Variants in ABHD1 observed in about 807,000 individuals in gnomAD.
The protein encoded by ABHD1 is protein ABHD1.
Under a neutral mutation model 41.4 loss-of-function variants are expected in ABHD1, and 47 were observed. That is an observed-to-expected ratio of 1.13 (90% CI 0.90 to 1.45). The LOEUF is 1.45. Ranked by LOEUF, ABHD1 falls within the 40% of genes most tolerant of loss-of-function variation. The pLI is 0.00. For synonymous variants in ABHD1, 205 were observed against 203.7 expected, an observed-to-expected ratio of 1.01 and a Z score of -0.05; for missense variants, 550 against 503.4, an observed-to-expected ratio of 1.09 and a Z score of -0.89.
At chr2:27,124,266 C>T (rs1049068270) in intron 1 of ABHD1, 17 of 673,996 alleles carry the variant, frequency 2.5e-5, no homozygotes, top group African/African-American at 1.1e-4. Context: ...TTTTGGGTAC[C>T]GGAGGGTGCT....
intron 1 of ABHD1, chr2:27,125,729 T>C (rs1671931710): frequency 6.6e-6 from 1 of 151,856 alleles, no homozygotes; most frequent in Admixed American, 6.6e-5. Flanking sequence ...GTGAAACCCC[T>C]ATCTCTACTA....
At chr2:27,129,703 A>G (rs748450927) in intron 5 of ABHD1, 51 bp from the exon 6 acceptor site, 22 of 1,610,746 alleles carry the variant, frequency 1.4e-5, no homozygotes, top group Non-Finnish European at 1.8e-5. Flanking sequence ...CTCTGTCCCA[A>G]CCCACATTAA....
chr2:27,124,133 C>T (rs775873241), intron 1 of ABHD1, 71 bp downstream of exon 1: 4 of 1,415,302 alleles, frequency 2.8e-6, no homozygotes, highest in Non-Finnish European at 4.0e-6. Flanking sequence ...CGGGCTTGGG[C>T]CCTTGGTGGG....
At chr2:27,125,319 T>C (rs532952656) in intron 1 of ABHD1, 1 of 152,318 alleles carries the variant, frequency 6.6e-6, no homozygotes, top group East Asian at 1.9e-4. Context: ...TGCTGCTTTA[T>C]AGACTAAACC....
intron 1 of ABHD1, chr2:27,125,339 C>G (rs1411044785): frequency 6.6e-6 from 1 of 152,088 alleles, no homozygotes; most frequent in Non-Finnish European, 1.5e-5. Flanking sequence ...CCTTTATAAG[C>G]TAACGAATAC....
rs1437121180 is a variant in ABHD1, at chr2:27,129,598, C to T, written c.589C>T (p.Leu197=). 4 of 1,613,694 alleles carry T rather than the reference C, an allele frequency of 2.5e-6. No homozygotes were observed. Among genetic ancestry groups the T allele is most frequent in the Non-Finnish European group, 2.5e-6 (3 of 1,180,050 alleles). The part of the protein sequence containing the change: ...HIKHRYPQAP[L]LAVGISFGGI... ...AAAGCATCGTTATCCCCAAGCTCCACTGCTGGCCGTGGGCATCTCTTTTGG... is the reference window on the plus strand; with the variant it reads ...AAAGCATCGTTATCCCCAAGCTCCATTGCTGGCCGTGGGCATCTCTTTTGG... Residue 197 remains leucine, a synonymous_variant, in exon 5 of 9, where the codon CTG becomes TTG. Transcript: ENST00000316470.
intron 1 of ABHD1, chr2:27,125,499 C>G (rs1316414449): frequency 6.6e-6 from 1 of 152,158 alleles, no homozygotes; most frequent in Non-Finnish European, 1.5e-5. Flanking sequence ...AGTCAAGAAA[C>G]ATTTTCTTGA....
chr2:27,130,187 A>G (rs1167999817), intron 7 of ABHD1, 34 bp downstream of exon 7: 8 of 1,614,166 alleles, frequency 5.0e-6, no homozygotes, highest in Non-Finnish European at 6.8e-6. Context: ...GGTTCCCCCA[A>G]ATGAGTCTTC....
intron 6 of ABHD1, 34 bp downstream of exon 6, chr2:27,129,961 C>A (rs1314022074): frequency 6.2e-7 from 1 of 1,613,166 alleles, no homozygotes; most frequent in Admixed American, 1.7e-5. Flanking sequence ...AGGCAGTAGA[C>A]AGAGTAGGAT....
chr2:27,125,235 C>G (rs1671911918), intron 1 of ABHD1: 1 of 152,154 alleles, frequency 6.6e-6, no homozygotes, highest in Non-Finnish European at 1.5e-5. Context: ...TTTGGAAGGT[C>G]ACTTCAGAAC....
Position 27,128,551 on chromosome 2 carries a change from A to G in ABHD1, c.225A>G (p.Gln75=). 6.2e-7 allele frequency: 1 copy of G among 1,614,094 alleles called. No individual in the cohort carries two copies. The highest frequency in any genetic ancestry group is 8.5e-7 in the Non-Finnish European group (1 of 1,180,014). Residue 75 remains glutamine (Q), a synonymous_variant, in exon 2 of 9, where the codon CAA becomes CAG. Transcript: ENST00000316470. The part of the protein sequence containing the change: ...PTLWCFEGRL[Q]SIFQVLLQSQ... ...TGTGGTGTTTTGAGGGGCGACTACAAAGCATCTTCCAAGTCCTCCTGCAGT... is the reference window on the plus strand; with the variant it reads ...TGTGGTGTTTTGAGGGGCGACTACAGAGCATCTTCCAAGTCCTCCTGCAGT...
At chr2:27,125,070 G>A (rs1217838237) in intron 1 of ABHD1, 1 of 152,122 alleles carries the variant, frequency 6.6e-6, no homozygotes, top group Non-Finnish European at 1.5e-5. Context: ...GAACCTGGGA[G>A]GCGGAGGTTG....
rs769974946 is a variant in ABHD1 at position 27,129,335 on chromosome 2, C to T, written c.478C>T (p.Arg160Trp). The change falls in exon 4 of 9, where the codon CGG (arginine) becomes TGG (tryptophan). Residue 160 changes from arginine (R) to tryptophan (W), a missense_variant. Transcript: ENST00000316470. ...DGYQAVVFNNRGCRGEELRTH... is the reference protein window; with the variant it reads ...DGYQAVVFNNWGCRGEELRTH... Reference sequence around the variant, plus strand: ...CCACAGGGCTGTCGTGTTTAACAACCGGGGCTGCCGTGGGGAGGAACTGCG... The same window carrying T: ...CCACAGGGCTGTCGTGTTTAACAACTGGGGCTGCCGTGGGGAGGAACTGCG... The T allele has an allele frequency of 1.1e-5, 18 of 1,614,028 alleles. No individual in the cohort carries two copies. Among genetic ancestry groups the T allele is most frequent in the South Asian group, 2.2e-5 (2 of 91,086 alleles).
chr2:27,124,248 G>C, intron 1 of ABHD1, 186 bp downstream of exon 1: 1 of 699,602 alleles, frequency 1.4e-6, no homozygotes, highest in Non-Finnish European at 2.6e-6. Flanking sequence ...CCCCATGCCA[G>C]CTGGGCCTTT....
Position 27,130,601 on chromosome 2 carries a change from A to G in ABHD1, c.1075A>G (p.Ile359Val). 5 of 1,614,174 alleles carry G rather than the reference A, an allele frequency of 3.1e-6. No individual in the cohort carries two copies. The highest frequency in any genetic ancestry group is 4.2e-6 in the Non-Finnish European group (5 of 1,180,028). The change falls in exon 9 of 9, where the codon ATC becomes GTC. Residue 359 changes from isoleucine to valine, a missense_variant. Physicochemically the swap from Ile to Val is conservative, Grantham distance 29 (BLOSUM62 3). Transcript: ENST00000316470. ...GCTCATCACAGCCCGGGGTGGCCAC[A>G]TCGGCTTCCTGGAAGGGCTGCTCCC... is the stretch of plus-strand genomic sequence containing the variant. Reference protein sequence around the residue: ...ALLITARGGHIGFLEGLLPWQ... With the variant: ...ALLITARGGHVGFLEGLLPWQ...
chr2:27,130,253 C>T lies in ABHD1; in HGVS notation c.843C>T (p.Ala281=). ...KVVDIDFVLQ[A]RTIRQFDERY... ...CTATCCTATGGTAAGACCTGCAGGC[C>T]CGTACAATCCGCCAGTTTGATGAGC... The change falls in exon 8 of 9, where the codon GCC becomes GCT. Residue 281 remains alanine, a splice_region_variant and synonymous_variant. Coordinates refer to ENST00000316470, the MANE Select transcript of ABHD1 (RefSeq NM_032604.4). 6.2e-7 allele frequency: 1 copy of T among 1,614,072 alleles called. No individual in the cohort carries two copies. Among genetic ancestry groups the T allele is most frequent in the Non-Finnish European group, 8.5e-7 (1 of 1,180,024 alleles).
In ABHD1 at chr2:27,123,838, G is replaced by A; in HGVS notation, c.-111G>A. 1 of 869,732 alleles carries A rather than the reference G, an allele frequency of 1.1e-6. No individual in the cohort carries two copies. Among genetic ancestry groups the A allele is most frequent in the Non-Finnish European group, 1.8e-6 (1 of 544,302 alleles). The allele number at this position is 869,732 out of a possible 1,614,324, so 53.9% of individuals were successfully genotyped here. A position where few individuals can be genotyped will look rare whatever the true frequency, so the allele number is the denominator to read the frequency against. ...CCAGCAGCGCAAACTGCCTGCAGCGGGGACCGGACCTGCACAGGCCGCCTA... is the reference window on the plus strand; with the variant it reads ...CCAGCAGCGCAAACTGCCTGCAGCGAGGACCGGACCTGCACAGGCCGCCTA... On this transcript the variant is annotated 5_prime_UTR_variant, in exon 1 of 9. Coordinates refer to ENST00000316470, the MANE Select transcript of ABHD1 (RefSeq NM_032604.4).
rs1409288342 is a variant in ABHD1 at position 27,130,717 on chromosome 2, C to T, written c.1191C>T (p.Leu397=). The part of the protein sequence containing the change: ...DPEGLPDLRA[L]LPSEDRNS Reference sequence around the variant, plus strand: ...AGGGGCTGCCTGACCTCAGGGCTCTCTTACCTTCTGAGGACAGAAACAGCT... The same window carrying T: ...AGGGGCTGCCTGACCTCAGGGCTCTTTTACCTTCTGAGGACAGAAACAGCT... Residue 397 remains leucine (L), a synonymous_variant, in exon 9 of 9, where the codon CTC becomes CTT. Transcript: ENST00000316470. 1.9e-6 allele frequency: 3 copies of T among 1,614,102 alleles called. No homozygotes were observed. In the African/African-American group the frequency reaches 4.0e-5, roughly 22 times the overall value.
intron 1 of ABHD1, among the ~76,000 whole-genome samples, chr2:27,127,431 G>C (rs1473726929): frequency 6.9e-6 from 1 of 145,766 alleles, no homozygotes; most frequent in Admixed American, 6.8e-5. Context: ...GCGGGCGCCT[G>C]TAGTCCCAGC....
Sources: allele counts gnomAD v4.1 joint callset (sites outside exome capture counted in the v4.1 genomes callset), GRCh38; gene constraint gnomAD v4.1.1; transcripts MANE v1.5; gene names NCBI Gene and HGNC (gene_info 2026-07-23, HGNC 2026-07-21).